ARMH3: variants seen among roughly 807,000 people sequenced by gnomAD.
ARMH3 encodes the protein armadillo-like helical domain-containing protein 3.
A neutral mutation model predicts 99.1 loss-of-function variants in ARMH3; 60 were observed. That is an observed-to-expected ratio of 0.61 (90% CI 0.49 to 0.75). ARMH3 has a LOEUF of 0.75. Ranked by LOEUF, ARMH3 falls within the 30% of genes least tolerant of loss-of-function variation. ARMH3 has a pLI of 0.00. For synonymous variants in ARMH3, 285 were observed against 292.8 expected (o/e 0.97, Z 0.27); for missense variants, 679 against 843.1 (o/e 0.81, Z 2.41).
chr10:102,010,920 C>T (rs914804719), intron 11 of ARMH3, among the ~76,000 whole-genome samples: 6 of 152,116 alleles, frequency 3.9e-5, no homozygotes, highest in African/African-American at 1.4e-4. Flanking sequence ...AGGAACAATT[C>T]GTAAGCAGTG....
intron 15 of ARMH3, among the ~76,000 whole-genome samples, chr10:101,999,480 C>T (rs1198076039): frequency 6.6e-6 from 1 of 152,136 alleles, no homozygotes; most frequent in Non-Finnish European, 1.5e-5. Flanking sequence ...GTGTGAGCCA[C>T]AGCGCCCAGC....
intron 24 of ARMH3, among the ~76,000 whole-genome samples, chr10:101,855,618 T>C (rs936019921): frequency 6.6e-6 from 1 of 150,706 alleles, no homozygotes; most frequent in Non-Finnish European, 1.5e-5. Context: ...TAATCACAGC[T>C]CACTGCACCC....
At chr10:102,029,948 G>C (rs1381444672) in intron 4 of ARMH3, among the ~76,000 whole-genome samples, 1 of 151,352 alleles carries the variant, frequency 6.6e-6, no homozygotes, top group Non-Finnish European at 1.5e-5. Context: ...TTGAGACAAG[G>C]TCTCGCTCTT....
chr10:101,894,962 G>A (rs1589979262), intron 23 of ARMH3, among the ~76,000 whole-genome samples: 1 of 151,412 alleles, frequency 6.6e-6, no homozygotes, highest in African/African-American at 2.4e-5. Context: ...AAGCCAGGAA[G>A]ACAGCTCTCA....
chr10:101,911,594 G>T (rs1007248803), intron 23 of ARMH3, among the ~76,000 whole-genome samples: 1 of 152,162 alleles, frequency 6.6e-6, no homozygotes, highest in Non-Finnish European at 1.5e-5. Context: ...AGCTGGGCAT[G>T]GTGGTATGAA....
At chr10:102,007,545 T>C (rs1178651391) in intron 13 of ARMH3, among the ~76,000 whole-genome samples, 1 of 146,746 alleles carries the variant, frequency 6.8e-6, no homozygotes, top group African/African-American at 2.5e-5. Context: ...TTCAGCCGGG[T>C]GCGGTGGCTC....
At chr10:102,033,383 C>A in intron 2 of ARMH3, 44 bp from the exon 3 acceptor site, 1 of 1,574,894 alleles carries the variant, frequency 6.3e-7, no homozygotes, top group Non-Finnish European at 8.7e-7. Context: ...CAGCTAACAC[C>A]AAAAGCATTA....
chr10:101,860,405 G>A (rs2066839730), intron 24 of ARMH3, among the ~76,000 whole-genome samples: 1 of 152,130 alleles, frequency 6.6e-6, no homozygotes, highest in Non-Finnish European at 1.5e-5. Flanking sequence ...TGAGAACTGG[G>A]AAACAATTCT....
intron 1 of ARMH3, among the ~76,000 whole-genome samples, chr10:102,055,796 C>A (rs1357573850): frequency 1.3e-5 from 2 of 152,208 alleles, no homozygotes; most frequent in African/African-American, 4.8e-5. Context: ...CAGAAGGCCC[C>A]GCAGGGATGC....
At chr10:101,949,814 G>A (rs1392671493) in intron 22 of ARMH3, among the ~76,000 whole-genome samples, 9 of 152,004 alleles carry the variant, frequency 5.9e-5, no homozygotes, top group African/African-American at 1.5e-4. Context: ...CTAGCAAATC[G>A]AATACAACAA....
At chr10:101,978,095 T>C (rs1436516618) in intron 19 of ARMH3, among the ~76,000 whole-genome samples, 1 of 152,232 alleles carries the variant, frequency 6.6e-6, no homozygotes, top group Non-Finnish European at 1.5e-5. Context: ...TCAACTTCAT[T>C]TTTAAAAGGC....
chr10:101,926,561 G>T lies in ARMH3; in HGVS notation c.1781+13302C>A, dbSNP rs538233563. Among the ~76,000 whole-genome samples, 10 of 152,240 alleles carry T rather than the reference G, an allele frequency of 6.6e-5. No homozygotes were observed. The South Asian group carries it at 2.1e-3, about 32-fold the overall frequency. On this transcript the variant is annotated intron_variant, in intron 23 of 25. Coordinates refer to ENST00000370033, the MANE Select transcript of ARMH3 (RefSeq NM_024541.3). ...GAGAGGGAAAAATAAGGGATAAGATGAAAAACTGCACATGGTTTTAAAATA... is the reference window on the plus strand; with the variant it reads ...GAGAGGGAAAAATAAGGGATAAGATTAAAAACTGCACATGGTTTTAAAATA...
At chr10:101,937,558 T>C (rs146763503) in intron 23 of ARMH3, among the ~76,000 whole-genome samples, 2 of 151,916 alleles carry the variant, frequency 1.3e-5, no homozygotes, top group East Asian at 3.9e-4. Flanking sequence ...GACCTATTAT[T>C]AATTCTCAGC....
intron 13 of ARMH3, among the ~76,000 whole-genome samples, chr10:102,007,564 A>G (rs1377406807): frequency 4.0e-5 from 6 of 151,002 alleles, no homozygotes; most frequent in South Asian, 2.1e-4. Flanking sequence ...TCACACCAGT[A>G]ATCCCAGCAC....
chr10:102,018,956 CA>C (rs945541433), intron 8 of ARMH3, among the ~76,000 whole-genome samples: 2 of 143,000 alleles, frequency 1.4e-5, no homozygotes, highest in African/African-American at 2.6e-5. Flanking sequence ...GACTCCGTCT[CA>C]AAAAAAAAAG....
Position 101,847,177 on chromosome 10 carries a change from A to C in ARMH3, c.*351T>G. The C allele has an allele frequency of 4.3e-6, 1 of 234,124 alleles. No individual in the cohort carries two copies. The highest frequency in any genetic ancestry group is 8.6e-6 in the Non-Finnish European group (1 of 116,684). The allele number at this position is 234,124 out of a possible 1,614,324, so 14.5% of individuals were successfully genotyped here. On this transcript the variant is annotated 3_prime_UTR_variant, in exon 26 of 26. Coordinates refer to ENST00000370033, the MANE Select transcript of ARMH3 (RefSeq NM_024541.3). ...AGCCACTGACTTTCAGGGTGCTGGC[A>C]TTACCCTGAGGCTTGCCTCACCAGC...
At chr10:101,996,366 GATCT>G (rs963886343) in intron 15 of ARMH3, among the ~76,000 whole-genome samples, 15 of 152,068 alleles carry the variant, frequency 9.9e-5, no homozygotes, top group African/African-American at 3.6e-4. Context: ...TCAAAAATGG[GATCT>G]ATCAATTAAA....
At chr10:101,977,964 T>C (rs755814690) in intron 19 of ARMH3, among the ~76,000 whole-genome samples, 28 of 152,180 alleles carry the variant, frequency 1.8e-4, no homozygotes, top group Middle Eastern at 3.2e-3. Flanking sequence ...TATTCAGTTA[T>C]AGCAACAGCA....
intron 20 of ARMH3, among the ~76,000 whole-genome samples, chr10:101,969,992 G>A (rs1845699090): frequency 6.6e-6 from 1 of 152,178 alleles, no homozygotes; most frequent in African/African-American, 2.4e-5. Context: ...TAAAATGTCA[G>A]TATAAATCTG....
Sources: allele counts gnomAD v4.1 joint callset (sites outside exome capture counted in the v4.1 genomes callset), GRCh38; gene constraint gnomAD v4.1.1; transcripts MANE v1.5; gene names NCBI Gene and HGNC (gene_info 2026-07-23, HGNC 2026-07-21).